Variants in SLC16A2 observed in about 807,000 individuals in gnomAD.
SLC16A2 encodes the protein solute carrier family 16 member 2, also known as monocarboxylate transporter 8.
Under a neutral mutation model 27.2 loss-of-function variants are expected in SLC16A2, and 3 were observed. That is an observed-to-expected ratio of 0.11 (90% CI 0.05 to 0.28). The LOEUF (loss-of-function observed/expected upper bound fraction) is 0.28, where lower values mean the gene tolerates loss of function less well. Ranked by LOEUF, SLC16A2 falls within the 10% of genes least tolerant of loss-of-function variation. The probability of loss-of-function intolerance (pLI) is 1.00; values close to 1 mark genes in which losing one functional copy is unlikely to be tolerated. For missense variants in SLC16A2, 295 were observed against 458.5 expected, an observed-to-expected ratio of 0.64 and a Z score of 3.26; for synonymous variants, 202 against 187.8, an observed-to-expected ratio of 1.08 and a Z score of -0.62.
chrX:74,487,862 C>T (rs1299916683), intron 1 of SLC16A2, among the ~76,000 whole-genome samples: 1 of 111,369 alleles, frequency 9.0e-6, no homozygotes, highest in Non-Finnish European at 1.9e-5. Context: ...TAAAGCAACT[C>T]TTAAATAGTT....
chrX:74,508,152 A>C (rs1314346312), intron 1 of SLC16A2, among the ~76,000 whole-genome samples: 1 of 112,086 alleles, frequency 8.9e-6, no homozygotes, highest in Non-Finnish European at 1.9e-5. Context: ...GAGATAATAT[A>C]AGTATTCTAA....
chrX:74,485,543 T>A (rs916148308), intron 1 of SLC16A2, among the ~76,000 whole-genome samples: 2 of 110,798 alleles, frequency 1.8e-5, no homozygotes, highest in Non-Finnish European at 3.8e-5. Context: ...GCTCCCAAGA[T>A]GGGGCGGCCA....
At chrX:74,451,408 A>G (rs1339849829) in intron 1 of SLC16A2, among the ~76,000 whole-genome samples, 1 of 112,553 alleles carries the variant, frequency 8.9e-6, no homozygotes, top group Non-Finnish European at 1.9e-5. Context: ...ATCAAACATC[A>G]GATTTAGGCT....
chrX:74,460,714 G>A (rs1375279354), intron 1 of SLC16A2, among the ~76,000 whole-genome samples: 1 of 111,225 alleles, frequency 9.0e-6, no homozygotes, highest in Non-Finnish European at 1.9e-5. Context: ...GCAGTGGTGC[G>A]ATCTCGGCTC....
rs1928292896 is a variant in SLC16A2, at chrX:74,421,560, A to G, written c.-78A>G. The stretch of plus-strand genomic sequence containing the variant: ...CGGCAGCAGCAGCCCTCCGAGCAGC[A>G]GCAGCTGCAGCAGCAGAAACAAGTA... On this transcript the variant is annotated 5_prime_UTR_variant, in exon 1 of 6. Transcript: ENST00000587091. The G allele has an allele frequency of 9.0e-7, 1 of 1,111,778 alleles. No homozygotes were observed. Among genetic ancestry groups the G allele is most frequent in the African/African-American group, 1.8e-5 (1 of 55,995 alleles). 91.6% of individuals were successfully genotyped at this position (1,111,778 alleles called of 1,213,427 possible).
At chrX:74,467,791 C>T (rs1205347543) in intron 1 of SLC16A2, among the ~76,000 whole-genome samples, 1 of 111,228 alleles carries the variant, frequency 9.0e-6, no homozygotes, top group African/African-American at 3.3e-5. Flanking sequence ...TTTGTCAGTC[C>T]CCCTCCCAGA....
intron 1 of SLC16A2, among the ~76,000 whole-genome samples, chrX:74,493,827 G>T (rs903194324): frequency 4.5e-5 from 5 of 111,438 alleles, no homozygotes; most frequent in African/African-American, 1.3e-4. Flanking sequence ...TGAAAGTAGG[G>T]CTGTCCACCA....
At chrX:74,505,367 C>T (rs111577817) in intron 1 of SLC16A2, among the ~76,000 whole-genome samples, 63 of 112,053 alleles carry the variant, frequency 5.6e-4, no homozygotes, top group Non-Finnish European at 1.0e-3. Context: ...TCTCAGAAAA[C>T]ACTTAACAAA....
chrX:74,530,335 C>T (rs942519030), intron 5 of SLC16A2, among the ~76,000 whole-genome samples: 1 of 110,903 alleles, frequency 9.0e-6, no homozygotes, highest in Non-Finnish European at 1.9e-5. Flanking sequence ...CTCCTGACTT[C>T]GTGATCCACC....
chrX:74,461,019 A>G (rs956356233), intron 1 of SLC16A2, among the ~76,000 whole-genome samples: 1 of 112,176 alleles, frequency 8.9e-6, no homozygotes, highest in Non-Finnish European at 1.9e-5. Context: ...GGAGTGATAT[A>G]AATTTATTGC....
intron 1 of SLC16A2, among the ~76,000 whole-genome samples, chrX:74,514,560 A>C (rs1468336660): frequency 2.7e-5 from 3 of 111,131 alleles, no homozygotes; most frequent in Non-Finnish European, 5.7e-5. Context: ...CCCCTCCCCC[A>C]TGGTGTCAGT....
chrX:74,489,629 T>A (rs1237758512), intron 1 of SLC16A2, among the ~76,000 whole-genome samples: 1 of 111,758 alleles, frequency 8.9e-6, no homozygotes, highest in Non-Finnish European at 1.9e-5. Context: ...TAGAGCTCTT[T>A]TATATATTTT....
intron 1 of SLC16A2, among the ~76,000 whole-genome samples, chrX:74,491,251 G>T (rs957364845): frequency 7.1e-5 from 8 of 112,047 alleles, no homozygotes; most frequent in African/African-American, 2.3e-4. Flanking sequence ...CATTTTAGAG[G>T]GGCATGAAAC....
chrX:74,532,284 A>G lies in SLC16A2; in HGVS notation c.*731A>G, dbSNP rs1249612671. 1 of 113,380 alleles carries G rather than the reference A, an allele frequency of 8.8e-6. No homozygotes were observed. Among genetic ancestry groups the G allele is most frequent in the Non-Finnish European group, 1.8e-5 (1 of 54,125 alleles). The allele number at this position is 113,380 out of a possible 1,213,427, so 9.3% of individuals were successfully genotyped here. ...CACCTTGTCCCAGTCCACTCCTAAC[A>G]CTAGCATCAGTCCCACTCATCTCAG... On this transcript the variant is annotated 3_prime_UTR_variant, in exon 6 of 6. Transcript: ENST00000587091.
At chrX:74,456,698 T>C (rs1011140332) in intron 1 of SLC16A2, among the ~76,000 whole-genome samples, 1 of 112,228 alleles carries the variant, frequency 8.9e-6, no homozygotes, top group Non-Finnish European at 1.9e-5. Flanking sequence ...TGGATCTGCA[T>C]AGACAATTCC....
intron 1 of SLC16A2, among the ~76,000 whole-genome samples, chrX:74,444,102 C>A (rs1160294572): frequency 9.0e-6 from 1 of 111,513 alleles, no homozygotes; most frequent in African/African-American, 3.3e-5. Context: ...GTGGAGGCAA[C>A]ATCTGAGGGA....
chrX:74,453,110 C>T (rs1157588477), intron 1 of SLC16A2, among the ~76,000 whole-genome samples: 2 of 106,380 alleles, frequency 1.9e-5, no homozygotes, highest in African/African-American at 3.5e-5. Flanking sequence ...TGCAGTGGTA[C>T]GATCTTGGCT....
intron 1 of SLC16A2, among the ~76,000 whole-genome samples, chrX:74,489,585 A>T (rs1929785667): frequency 8.9e-6 from 1 of 112,119 alleles, no homozygotes; most frequent in Non-Finnish European, 1.9e-5. Flanking sequence ...AAAATATTTT[A>T]TTTAAGCACT....
At position 74,421,675 on chromosome X, in the gene SLC16A2, G is replaced by C; in HGVS notation, c.38G>C (p.Gly13Ala). Reference sequence around the variant, plus strand: ...AGCCAGGCGAGCGAGGAAGCAAAGGGGCCCTGGCAGGAGGCAGACCAGGAA... The same window carrying C: ...AGCCAGGCGAGCGAGGAAGCAAAGGCGCCCTGGCAGGAGGCAGACCAGGAA... ...LQSQASEEAK[G>A]PWQEADQEQQ... The change falls in exon 1 of 6, where the codon GGG becomes GCG. Residue 13 changes from glycine (G) to alanine (A), a missense_variant. By Grantham distance (60) the Gly-to-Ala change is moderately conservative. Transcript: ENST00000587091. 1 of 1,199,932 alleles carries C rather than the reference G, an allele frequency of 8.3e-7. No individual in the cohort carries two copies. Among genetic ancestry groups the C allele is most frequent in the Non-Finnish European group, 1.1e-6 (1 of 891,751 alleles).
Sources: allele counts gnomAD v4.1 joint callset (sites outside exome capture counted in the v4.1 genomes callset), GRCh38; gene constraint gnomAD v4.1.1; transcripts MANE v1.5; gene names NCBI Gene and HGNC (gene_info 2026-07-23, HGNC 2026-07-21).